The following OR5D14 variants were observed in gnomAD, a reference collection of about 807,000 sequenced individuals.
OR5D14 encodes olfactory receptor family 5 subfamily D member 14.
For synonymous variants in OR5D14, 187 were observed against 138.2 expected (o/e 1.35, Z -2.48); for missense variants, 466 against 375.5 (o/e 1.24, Z -1.99).
rs780328529 is a variant in OR5D14, at chr11:55,796,109, C to T, written c.554C>T (p.Ala185Val). The change falls in exon 1 of 1, where the codon GCT becomes GTT. Residue 185 changes from alanine (A) to valine (V), a missense_variant. Ala to Val is a moderately conservative substitution (Grantham distance 64). Coordinates refer to ENST00000335605, the MANE Select transcript of OR5D14 (RefSeq NM_001004735.1). Reference sequence around the variant, plus strand: ...AACCACTTCTTTTGTGAGTATACTGCTCTCATCTCTGTGTCTGGCTCTGAT... The same window carrying T: ...AACCACTTCTTTTGTGAGTATACTGTTCTCATCTCTGTGTCTGGCTCTGAT... Reference protein sequence around the residue: ...VINHFFCEYTALISVSGSDIL... With the variant: ...VINHFFCEYTVLISVSGSDIL... 11 of 1,613,792 alleles carry T rather than the reference C, an allele frequency of 6.8e-6. No homozygotes were observed. Among genetic ancestry groups the T allele is most frequent in the Non-Finnish European group, 9.3e-6 (11 of 1,179,938 alleles).
rs751351489 is a variant in OR5D14, at chr11:55,796,418, A to C, written c.863A>C (p.Asn288Thr). 1.2e-6 allele frequency: 2 copies of C among 1,613,722 alleles called. No homozygotes were observed. Among genetic ancestry groups the C allele is most frequent in the Non-Finnish European group, 1.7e-6 (2 of 1,179,898 alleles). The change falls in exon 1 of 1, where the codon AAC becomes ACC. Residue 288 changes from asparagine to threonine, a missense_variant. By Grantham distance (65) the Asn-to-Thr change is moderately conservative. Transcript: ENST00000335605. Reference protein sequence around the residue: ...VFYTVVNPMLNPLIYSLRNKD... With the variant: ...VFYTVVNPMLTPLIYSLRNKD... ...TACACAGTTGTCAACCCCATGCTGA[A>C]CCCTCTGATCTACAGCCTAAGGAAT...
rs1190620921 is a variant in OR5D14 at position 55,796,390 on chromosome 11, T to C, written c.835T>C (p.Phe279Leu). ...SRQTVKVASV[F>L]YTVVNPMLNP... Reference sequence around the variant, plus strand: ...GCAAACAGTCAAAGTGGCCTCTGTATTTTACACAGTTGTCAACCCCATGCT... The same window carrying C: ...GCAAACAGTCAAAGTGGCCTCTGTACTTTACACAGTTGTCAACCCCATGCT... The change falls in exon 1 of 1, where the codon TTT (phenylalanine) becomes CTT (leucine). Residue 279 changes from phenylalanine (F) to leucine (L), a missense_variant. Phe to Leu is a conservative substitution (Grantham distance 22). Transcript: ENST00000335605. The C allele has an allele frequency of 1.1e-5, 18 of 1,613,610 alleles. No homozygotes were observed. Among genetic ancestry groups the C allele is most frequent in the Admixed American group, 3.3e-5 (2 of 59,970 alleles).
rs2134442901 is a variant in OR5D14, at chr11:55,796,186, T to C, written c.631T>C (p.Cys211Arg). The C allele has an allele frequency of 6.2e-7, 1 of 1,613,958 alleles. No homozygotes were observed. The highest frequency in any genetic ancestry group is 1.1e-5 in the South Asian group (1 of 91,084). The change falls in exon 1 of 1, where the codon TGT (cysteine) becomes CGT (arginine). Residue 211 changes from cysteine to arginine, a missense_variant. Transcript: ENST00000335605. Reference sequence around the variant, plus strand: ...CAGCTTCGCCACCTTCAATGAGATGTGTACACTACTGATCATCCTCACTTC... The same window carrying C: ...CAGCTTCGCCACCTTCAATGAGATGCGTACACTACTGATCATCCTCACTTC... Reference protein sequence around the residue: ...LFSFATFNEMCTLLIILTSYV... With the variant: ...LFSFATFNEMRTLLIILTSYV...
rs771270577 is a variant in OR5D14, at chr11:55,796,477, C to T, written c.922C>T (p.His308Tyr). Reference sequence around the variant, plus strand: ...GAAGGATGCTTTCTGGAAGTTAATACATACACAAGTTCCATTTCACTGAAC... The same window carrying T: ...GAAGGATGCTTTCTGGAAGTTAATATATACACAAGTTCCATTTCACTGAAC... ...DVKDAFWKLIHTQVPFH is the reference protein window; with the variant it reads ...DVKDAFWKLIYTQVPFH Residue 308 changes from histidine to tyrosine, a missense_variant, in exon 1 of 1, where the codon CAT becomes TAT. His to Tyr is a moderately conservative substitution (Grantham distance 83, BLOSUM62 2). Coordinates refer to ENST00000335605, the MANE Select transcript of OR5D14 (RefSeq NM_001004735.1). 1.9e-6 allele frequency: 3 copies of T among 1,603,222 alleles called. No individual in the cohort carries two copies. Among genetic ancestry groups the T allele is most frequent in the African/African-American group, 1.3e-5 (1 of 74,446 alleles).
rs747965566 is a variant in OR5D14 at position 55,795,770 on chromosome 11, A to AT, written c.220dup (p.Cys74LeufsTer12). ...TTCCTTAGTCACCTCTCTTTTGTTGATTTTTGTTACTCTTCCATTGTCACT... is the reference window on the plus strand; with the variant it reads ...TTCCTTAGTCACCTCTCTTTTGTTGATTTTTTGTTACTCTTCCATTGTCACT... On this transcript the variant is annotated frameshift_variant, in exon 1 of 1. Transcript: ENST00000335605. LOFTEE classifies it low-confidence loss of function (END_TRUNC). The AT allele has an allele frequency of 1.1e-5, 18 of 1,613,260 alleles. No individual in the cohort carries two copies. In the South Asian group the frequency reaches 1.8e-4, roughly 16 times the overall value.
Position 55,796,500 on chromosome 11 carries a change from A to G in OR5D14, c.945A>G (p.Ter315TrpextTer?). The G allele has an allele frequency of 6.4e-7, 1 of 1,570,750 alleles. No individual in the cohort carries two copies. Among genetic ancestry groups the G allele is most frequent in the Non-Finnish European group, 8.6e-7 (1 of 1,156,224 alleles). Residue 315 changes from the stop codon to tryptophan (W), a stop_lost, in exon 1 of 1, where the codon TGA (stop) becomes TGG (tryptophan). Coordinates refer to ENST00000335605, the MANE Select transcript of OR5D14 (RefSeq NM_001004735.1). ...TACATACACAAGTTCCATTTCACTG[A>G]ACCAGTCTCAAAAGTTGTTTTCAAT... is the stretch of plus-strand genomic sequence containing the variant. ...KLIHTQVPFH[*>W]
In OR5D14 at chr11:55,796,455, G is replaced by A. The variant is rs1325038677; in HGVS notation, c.900G>A (p.Lys300=). The part of the protein sequence containing the change: ...LIYSLRNKDV[K]DAFWKLIHTQ... Reference sequence around the variant, plus strand: ...ACAGCCTAAGGAATAAAGACGTGAAGGATGCTTTCTGGAAGTTAATACATA... The same window carrying A: ...ACAGCCTAAGGAATAAAGACGTGAAAGATGCTTTCTGGAAGTTAATACATA... Residue 300 remains lysine (K), a synonymous_variant, in exon 1 of 1, where the codon AAG becomes AAA. Coordinates refer to ENST00000335605, the MANE Select transcript of OR5D14 (RefSeq NM_001004735.1). 5 of 1,611,796 alleles carry A rather than the reference G, an allele frequency of 3.1e-6. No homozygotes were observed. The highest frequency in any genetic ancestry group is 1.3e-5 in the African/African-American group (1 of 74,796).
In OR5D14 at chr11:55,796,224, T is replaced by C. The variant is rs1248380513; in HGVS notation, c.669T>C (p.Ile223=). Residue 223 remains isoleucine, a synonymous_variant, in exon 1 of 1, where the codon ATT becomes ATC. Transcript: ENST00000335605. ...LLIILTSYVF[I]FVTVLKIRSV... ...TCATCCTCACTTCCTATGTTTTCAT[T>C]TTTGTGACTGTACTAAAAATCCGTT... The C allele has an allele frequency of 6.2e-7, 1 of 1,613,974 alleles. No homozygotes were observed. Among genetic ancestry groups the C allele is most frequent in the South Asian group, 1.1e-5 (1 of 91,088 alleles).
At position 55,796,280 on chromosome 11, in the gene OR5D14, C is replaced by G; in HGVS notation, c.725C>G (p.Thr242Ser). The G allele has an allele frequency of 2.5e-6, 4 of 1,613,534 alleles. No homozygotes were observed. The highest frequency in any genetic ancestry group is 1.7e-6 in the Non-Finnish European group (2 of 1,179,620). The change falls in exon 1 of 1, where the codon ACC (threonine) becomes AGC (serine). Residue 242 changes from threonine (T) to serine (S), a missense_variant. Transcript: ENST00000335605. ...SVSGRHKAFS[T>S]WASHLTSITI... The stretch of plus-strand genomic sequence containing the variant: ...AGTGGGCGCCACAAAGCCTTCTCCA[C>G]CTGGGCCTCCCACCTGACTTCTATC...
Position 55,795,852 on chromosome 11 carries a change from C to T in OR5D14, c.297C>T (p.Cys99=). Residue 99 remains cysteine, a synonymous_variant, in exon 1 of 1, where the codon TGC becomes TGT. Transcript: ENST00000335605. ...MADKSIFYFS[C]MMQYFLSCTA... ...ATAAAAGCATCTTCTACTTTAGCTG[C>T]ATGATGCAGTACTTCCTGTCCTGCA... is the stretch of plus-strand genomic sequence containing the variant. 6.2e-7 allele frequency: 1 copy of T among 1,613,928 alleles called. No homozygotes were observed. Among genetic ancestry groups the T allele is most frequent in the Non-Finnish European group, 8.5e-7 (1 of 1,179,964 alleles).
At position 55,795,951 on chromosome 11, in the gene OR5D14, GCTTTAT is replaced by G. The variant is rs1853520120; in HGVS notation, c.397_402del (p.Leu133_Tyr134del). Reference sequence around the variant, plus strand: ...GCTTTGTGGCCATCTGCAATCCTCTGCTTTATACAGTGGCCATGTCACAGAGGCTCT... The same window carrying G: ...GCTTTGTGGCCATCTGCAATCCTCTGACAGTGGCCATGTCACAGAGGCTCT... On this transcript the variant is annotated inframe_deletion, in exon 1 of 1. Transcript: ENST00000335605. 6.2e-7 allele frequency: 1 copy of G among 1,613,930 alleles called. No individual in the cohort carries two copies. The highest frequency in any genetic ancestry group is 1.3e-5 in the African/African-American group (1 of 74,876).
In OR5D14 at chr11:55,796,286, C is replaced by G; in HGVS notation, c.731C>G (p.Ala244Gly). ...CGCCACAAAGCCTTCTCCACCTGGG[C>G]CTCCCACCTGACTTCTATCACCATC... is the stretch of plus-strand genomic sequence containing the variant. The part of the protein sequence containing the change: ...SGRHKAFSTW[A>G]SHLTSITIFH... Residue 244 changes from alanine (A) to glycine (G), a missense_variant, in exon 1 of 1, where the codon GCC becomes GGC. By Grantham distance (60) the Ala-to-Gly change is moderately conservative (BLOSUM62 0). Transcript: ENST00000335605. The G allele has an allele frequency of 6.2e-7, 1 of 1,613,486 alleles. No homozygotes were observed. The highest frequency in any genetic ancestry group is 8.5e-7 in the Non-Finnish European group (1 of 1,179,600).
Position 55,795,756 on chromosome 11 carries a change from CCT to C in OR5D14, c.206_207del (p.Ser69PhefsTer3). 1 of 1,613,194 alleles carries C rather than the reference CCT, an allele frequency of 6.2e-7. No homozygotes were observed. Among genetic ancestry groups the C allele is most frequent in the Non-Finnish European group, 8.5e-7 (1 of 1,179,500 alleles). On this transcript the variant is annotated frameshift_variant, in exon 1 of 1. Transcript: ENST00000335605. LOFTEE classifies it low-confidence loss of function (END_TRUNC). ...HTPMYFFLSH[L>X]SFVDFCYSSI... ...CTCCTATGTACTTTTTCCTTAGTCA[CCT>C]CTCTTTTGTTGATTTTTGTTACTCT...
At position 55,796,242 on chromosome 11, in the gene OR5D14, A is replaced by T. The variant is rs1415894155; in HGVS notation, c.687A>T (p.Lys229Asn). ...SYVFIFVTVL[K>N]IRSVSGRHKA... is the part of the protein sequence containing the mutation. ...TTTTCATTTTTGTGACTGTACTAAAAATCCGTTCTGTTAGTGGGCGCCACA... is the reference window on the plus strand; with the variant it reads ...TTTTCATTTTTGTGACTGTACTAAATATCCGTTCTGTTAGTGGGCGCCACA... Residue 229 changes from lysine to asparagine, a missense_variant, in exon 1 of 1, where the codon AAA (lysine) becomes AAT (asparagine). Coordinates refer to ENST00000335605, the MANE Select transcript of OR5D14 (RefSeq NM_001004735.1). 2 of 1,613,938 alleles carry T rather than the reference A, an allele frequency of 1.2e-6. No homozygotes were observed. Among genetic ancestry groups the T allele is most frequent in the Non-Finnish European group, 1.7e-6 (2 of 1,179,988 alleles).
rs761856804 is a variant in OR5D14, at chr11:55,796,357, A to G, written c.802A>G (p.Asn268Asp). Reference protein sequence around the residue: ...LFLYCVPNSKNSRQTVKVASV... With the variant: ...LFLYCVPNSKDSRQTVKVASV... Reference sequence around the variant, plus strand: ...CCTTTACTGTGTACCCAACTCCAAAAACTCTCGGCAAACAGTCAAAGTGGC... The same window carrying G: ...CCTTTACTGTGTACCCAACTCCAAAGACTCTCGGCAAACAGTCAAAGTGGC... The change falls in exon 1 of 1, where the codon AAC becomes GAC. Residue 268 changes from asparagine to aspartate, a missense_variant. By Grantham distance (23) the Asn-to-Asp change is conservative. Transcript: ENST00000335605. 3.7e-6 allele frequency: 6 copies of G among 1,613,880 alleles called. No homozygotes were observed. The South Asian group carries it at 6.6e-5, about 18-fold the overall frequency.
Position 55,796,010 on chromosome 11 carries a change from T to A in OR5D14, c.455T>A (p.Leu152His), listed in dbSNP as rs751581338. ...LCALLVAGSY[L>H]WGMFGPLVLL... Reference sequence around the variant, plus strand: ...GCCCTGCTGGTGGCTGGGTCATATCTCTGGGGCATGTTTGGCCCCTTGGTA... The same window carrying A: ...GCCCTGCTGGTGGCTGGGTCATATCACTGGGGCATGTTTGGCCCCTTGGTA... The change falls in exon 1 of 1, where the codon CTC (leucine) becomes CAC (histidine). Residue 152 changes from leucine (L) to histidine (H), a missense_variant. Transcript: ENST00000335605. 4 of 1,613,966 alleles carry A rather than the reference T, an allele frequency of 2.5e-6. No homozygotes were observed. In the South Asian group the frequency reaches 4.4e-5, roughly 18 times the overall value.
At position 55,796,185 on chromosome 11, in the gene OR5D14, GTGTACACTAC is replaced by G. The variant is rs1318092048; in HGVS notation, c.633_642del (p.Cys211Ter). 4 of 1,613,790 alleles carry G rather than the reference GTGTACACTAC, an allele frequency of 2.5e-6. No individual in the cohort carries two copies. The East Asian group carries it at 8.9e-5, about 36-fold the overall frequency. On this transcript the variant is annotated frameshift_variant, in exon 1 of 1. Coordinates refer to ENST00000335605, the MANE Select transcript of OR5D14 (RefSeq NM_001004735.1). LOFTEE classifies it low-confidence loss of function (END_TRUNC). ...TCAGCTTCGCCACCTTCAATGAGAT[GTGTACACTAC>G]TGATCATCCTCACTTCCTATGTTTT...
rs1318835338 is a variant in OR5D14 at position 55,795,692 on chromosome 11, G to A, written c.137G>A (p.Gly46Glu). The change falls in exon 1 of 1, where the codon GGG becomes GAG. Residue 46 changes from glycine (G) to glutamate (E), a missense_variant. Physicochemically the swap from Gly to Glu is moderately conservative, Grantham distance 98. Transcript: ENST00000335605. ...GTTATCACAGTGGTAGGAAACCTTG[G>A]GATGATCATAATAATCAAGATTAAC... ...MYVITVVGNL[G>E]MIIIIKINPK... 2 of 1,612,308 alleles carry A rather than the reference G, an allele frequency of 1.2e-6. No homozygotes were observed. The highest frequency in any genetic ancestry group is 1.7e-5 in the Admixed American group (1 of 59,970).
chr11:55,795,877 A>G lies in OR5D14; in HGVS notation c.322A>G (p.Thr108Ala), dbSNP rs1232042843. ...CATGATGCAGTACTTCCTGTCCTGC[A>G]CTGCTGTGGTGACAGAGTCTTTCTT... Reference protein sequence around the residue: ...SCMMQYFLSCTAVVTESFLLA... With the variant: ...SCMMQYFLSCAAVVTESFLLA... The change falls in exon 1 of 1, where the codon ACT becomes GCT. Residue 108 changes from threonine (T) to alanine (A), a missense_variant. Coordinates refer to ENST00000335605, the MANE Select transcript of OR5D14 (RefSeq NM_001004735.1). The G allele has an allele frequency of 6.2e-6, 10 of 1,613,754 alleles. No homozygotes were observed. The highest frequency in any genetic ancestry group is 8.5e-6 in the Non-Finnish European group (10 of 1,179,956).
Sources: gnomAD v4.1 joint callset for allele counts on GRCh38, gnomAD v4.1.1 for gene constraint, MANE v1.5 for transcripts, NCBI Gene and HGNC (gene_info 2026-07-23, HGNC 2026-07-21) for gene names.